Variants in SLC25A26 observed in about 807,000 individuals in gnomAD.
The protein encoded by SLC25A26 is solute carrier family 25 member 26.
SLC25A26 carries 36 observed loss-of-function variants against 37.8 expected under a neutral mutation model. The observed-to-expected ratio is 0.95, with a 90% CI of 0.73 to 1.26. SLC25A26 has a LOEUF of 1.26. Ranked by LOEUF, SLC25A26 falls within the 50% of genes most tolerant of loss-of-function variation. The pLI is 0.00. For missense variants in SLC25A26, 390 were observed against 331.1 expected (o/e 1.18, Z -1.38); for synonymous variants, 129 against 122.5 (o/e 1.05, Z -0.35).
At chr3:66,343,173 G>T (rs2076247676) in intron 5 of SLC25A26, among the ~76,000 whole-genome samples, 1 of 152,166 alleles carries the variant, frequency 6.6e-6, no homozygotes, top group Non-Finnish European at 1.5e-5. Context: ...GTAGACGTTG[G>T]GAAAAGTGTT....
chr3:66,162,537 A>C (rs907424921), intron 1 of SLC25A26, among the ~76,000 whole-genome samples: 21 of 152,116 alleles, frequency 1.4e-4, no homozygotes, highest in African/African-American at 4.6e-4. Flanking sequence ...AAATGGCTAG[A>C]GTCTAGATGT....
At chr3:66,258,518 C>A (rs9851047) in intron 3 of SLC25A26, among the ~76,000 whole-genome samples, 1,944 of 152,254 alleles carry the variant, frequency 0.013, 44 homozygotes, top group African/African-American at 0.043. Context: ...AATGAATGTT[C>A]AGCTCTCCCG....
intron 5 of SLC25A26, among the ~76,000 whole-genome samples, chr3:66,292,808 T>C (rs2074760429): frequency 6.6e-6 from 1 of 152,186 alleles, no homozygotes. Flanking sequence ...GTTCTCTGAA[T>C]TTCCTGAATT....
At chr3:66,346,318 G>C (rs1038593435) in intron 5 of SLC25A26, 46 bp from the exon 6 acceptor site, 2 of 1,023,688 alleles carry the variant, frequency 2.0e-6, no homozygotes, top group Non-Finnish European at 2.9e-6. Context: ...AGGCAAACTT[G>C]GCTCTTTTTT....
intron 1 of SLC25A26, among the ~76,000 whole-genome samples, chr3:66,234,952 A>G (rs2072204956): frequency 6.6e-6 from 1 of 152,206 alleles, no homozygotes; most frequent in South Asian, 2.1e-4. Flanking sequence ...CTATGTAGGA[A>G]AGTTTCCTCT....
chr3:66,234,945 T>G (rs552474488), intron 1 of SLC25A26, among the ~76,000 whole-genome samples: 2 of 152,338 alleles, frequency 1.3e-5, no homozygotes, highest in East Asian at 3.9e-4. Context: ...AAAATTACTA[T>G]GTAGGAAAGT....
chr3:66,164,969 G>A (rs960856239), intron 1 of SLC25A26, among the ~76,000 whole-genome samples: 1 of 152,178 alleles, frequency 6.6e-6, no homozygotes, highest in African/African-American at 2.4e-5. Context: ...TGCCCCCAAT[G>A]ATCCATGCCT....
At chr3:66,338,159 T>C (rs2076132581) in intron 5 of SLC25A26, among the ~76,000 whole-genome samples, 1 of 152,024 alleles carries the variant, frequency 6.6e-6, no homozygotes, top group Non-Finnish European at 1.5e-5. Context: ...GGGTTGTCCA[T>C]GTTACAGCAA....
At chr3:66,370,714 T>C in intron 9 of SLC25A26, 112 bp downstream of exon 9, 2 of 793,314 alleles carry the variant, frequency 2.5e-6, no homozygotes, top group Non-Finnish European at 4.0e-6. Flanking sequence ...TGCTTTGAGT[T>C]TCTATTTATT....
intron 5 of SLC25A26, among the ~76,000 whole-genome samples, chr3:66,339,483 C>T (rs767032180): frequency 6.6e-6 from 1 of 151,870 alleles, no homozygotes; most frequent in Admixed American, 6.6e-5. Flanking sequence ...CTTGCATATC[C>T]CTTGTTCACC....
intron 6 of SLC25A26, chr3:66,356,030 G>C: frequency 2.2e-6 from 1 of 456,198 alleles, no homozygotes; most frequent in Non-Finnish European, 4.4e-6. Context: ...TCATCTTGTA[G>C]GGTTGGAAGC....
intron 3 of SLC25A26, among the ~76,000 whole-genome samples, chr3:66,249,218 G>GTT (rs2072980292): frequency 1.3e-5 from 2 of 152,156 alleles, no homozygotes; most frequent in Admixed American, 6.5e-5. Flanking sequence ...GTTAGAATGA[G>GTT]GTTTTCTCCA....
intron 1 of SLC25A26, among the ~76,000 whole-genome samples, chr3:66,211,698 T>A (rs1469325967): frequency 6.6e-6 from 1 of 152,232 alleles, no homozygotes; most frequent in Non-Finnish European, 1.5e-5. Context: ...TGTCAGCTTT[T>A]CTGTGAGACT....
intron 5 of SLC25A26, among the ~76,000 whole-genome samples, chr3:66,274,095 G>T (rs1274913186): frequency 6.6e-6 from 1 of 151,792 alleles, no homozygotes; most frequent in African/African-American, 2.4e-5. Flanking sequence ...AAATAAGGCC[G>T]CATATCTACA....
At chr3:66,200,841 G>C (rs1380273001) in intron 1 of SLC25A26, among the ~76,000 whole-genome samples, 1 of 152,140 alleles carries the variant, frequency 6.6e-6, no homozygotes, top group Non-Finnish European at 1.5e-5. Flanking sequence ...GGTTTTCATT[G>C]GTAACTGCTT....
intron 9 of SLC25A26, among the ~76,000 whole-genome samples, chr3:66,375,147 C>T (rs1396561301): frequency 1.3e-5 from 2 of 152,174 alleles, no homozygotes; most frequent in African/African-American, 4.8e-5. Flanking sequence ...AAGCCAAAAC[C>T]TAATCCAGAG....
intron 1 of SLC25A26, among the ~76,000 whole-genome samples, chr3:66,203,272 T>C (rs1018954572): frequency 1.2e-4 from 18 of 152,066 alleles, no homozygotes; most frequent in African/African-American, 4.1e-4. Flanking sequence ...TTCCAGCTAC[T>C]TGGGAGGCTG....
chr3:66,310,986 G>A (rs1198264389), intron 5 of SLC25A26, among the ~76,000 whole-genome samples: 10 of 152,130 alleles, frequency 6.6e-5, no homozygotes, highest in Non-Finnish European at 1.0e-4. Context: ...TGATCTTCTC[G>A]AGGAGTATCT....
chr3:66,372,881 C>G (rs760662081), intron 9 of SLC25A26, among the ~76,000 whole-genome samples: 1 of 152,078 alleles, frequency 6.6e-6, no homozygotes, highest in Non-Finnish European at 1.5e-5. Context: ...ACTAAGTTTA[C>G]TAGGTACTAC....
Sources: gnomAD v4.1 joint callset for allele counts (sites outside exome capture counted in the v4.1 genomes callset) on GRCh38, gnomAD v4.1.1 for gene constraint, MANE v1.5 for transcripts, NCBI Gene and HGNC (gene_info 2026-07-23, HGNC 2026-07-21) for gene names.